The following CYP46A1 variants were observed in gnomAD, a reference collection of about 807,000 sequenced individuals.
CYP46A1 encodes cholesterol 24-hydroxylase.
CYP46A1 carries 20 observed loss-of-function variants against 63.3 expected under a neutral mutation model. That is an observed-to-expected ratio of 0.32 (90% CI 0.22 to 0.46). The LOEUF is 0.46. CYP46A1 is among the 20% of genes least tolerant of loss of function. The probability of loss-of-function intolerance (pLI) is 1.00; values close to 1 mark genes in which losing one functional copy is unlikely to be tolerated. For synonymous variants in CYP46A1, 268 were observed against 273.6 expected, an observed-to-expected ratio of 0.98 and a Z score of 0.20; for missense variants, 445 against 670.8, an observed-to-expected ratio of 0.66 and a Z score of 3.72.
chr14:99,717,262 C>T (rs2056798574), intron 9 of CYP46A1, among the ~76,000 whole-genome samples: 1 of 152,162 alleles, frequency 6.6e-6, no homozygotes, highest in African/African-American at 2.4e-5. Context: ...AATCCCGTCT[C>T]GTCCCTCCAG....
chr14:99,687,991 T>TTC (rs1555381299), intron 1 of CYP46A1, among the ~76,000 whole-genome samples: 5 of 148,462 alleles, frequency 3.4e-5, no homozygotes, highest in Admixed American at 6.7e-5. Flanking sequence ...GGGTTTTTTT[T>TTC]CCCCTTTCTT....
At chr14:99,694,911 C>A (rs2056574546) in intron 3 of CYP46A1, among the ~76,000 whole-genome samples, 1 of 152,166 alleles carries the variant, frequency 6.6e-6, no homozygotes, top group African/African-American at 2.4e-5. Context: ...TTTTTCTGTT[C>A]TAATGTAAGC....
chr14:99,695,346 A>G, intron 3 of CYP46A1: 1 of 341,412 alleles, frequency 2.9e-6, no homozygotes, highest in Non-Finnish European at 5.8e-6. Flanking sequence ...AATCCTTTCT[A>G]ATTTTCTGTC....
In CYP46A1 at chr14:99,722,117, T is replaced by C. The variant is rs767340094; in HGVS notation, c.1176+51T>C. The C allele has an allele frequency of 1.1e-5, 15 of 1,422,332 alleles. No individual in the cohort carries two copies. The Admixed American group carries it at 2.4e-4, about 23-fold the overall frequency. 88.1% of individuals were successfully genotyped at this position (1,422,332 alleles called of 1,614,324 possible). ...GGGTGGGCTGGGCTGCTTGCCCCAA[T>C]GGTGGTGAATTTGGGACTCACCAGG... is the stretch of plus-strand genomic sequence containing the variant. On this transcript the variant is annotated intron_variant, in intron 12 of 14. Coordinates refer to ENST00000261835, the MANE Select transcript of CYP46A1 (RefSeq NM_006668.2). This position sits in a 1 kb window ranked among gnomAD's most constrained non-coding sequence, Gnocchi z 4.6.
At chr14:99,688,233 G>T (rs2140110818) in intron 1 of CYP46A1, among the ~76,000 whole-genome samples, 1 of 152,278 alleles carries the variant, frequency 6.6e-6, no homozygotes, top group East Asian at 1.9e-4. Flanking sequence ...CATGTGTGAT[G>T]ATCACAGCCC....
At chr14:99,720,057 C>T (rs1050294260) in intron 10 of CYP46A1, among the ~76,000 whole-genome samples, 22 of 150,864 alleles carry the variant, frequency 1.5e-4, no homozygotes, top group African/African-American at 5.4e-4. Context: ...CCACCGTGCC[C>T]GGCAGAACTC....
chr14:99,692,398 G>A (rs1334365387), intron 3 of CYP46A1, among the ~76,000 whole-genome samples: 1 of 152,136 alleles, frequency 6.6e-6, no homozygotes, highest in Non-Finnish European at 1.5e-5. Flanking sequence ...AATTAGCTGG[G>A]CATGGTGGCA....
chr14:99,724,141 G>C (rs146313909), intron 12 of CYP46A1, among the ~76,000 whole-genome samples: 1 of 152,286 alleles, frequency 6.6e-6, no homozygotes, highest in Non-Finnish European at 1.5e-5. Context: ...CCCATCCTAA[G>C]TACCTCATTT....
rs569654284 is a variant in CYP46A1 at position 99,714,782 on chromosome 14, G to GA, written c.694-1024dup. Among the ~76,000 whole-genome samples, 426 of 146,566 alleles carry GA rather than the reference G, an allele frequency of 2.9e-3. 1 individual carries two copies. Among genetic ancestry groups the GA allele is most frequent in the African/African-American group, 0.01 (411 of 40,004 alleles). ...TCTCAAAAAAAAAAAAAAAAGAAAAGAAAATTTGATGTATATACACATGGA... is the reference window on the plus strand; with the variant it reads ...TCTCAAAAAAAAAAAAAAAAGAAAAGAAAAATTTGATGTATATACACATGGA... On this transcript the variant is annotated intron_variant, in intron 7 of 14. Coordinates refer to ENST00000261835, the MANE Select transcript of CYP46A1 (RefSeq NM_006668.2).
At position 99,684,310 on chromosome 14, in the gene CYP46A1, G is replaced by T; in HGVS notation, c.-108G>T. ...CGGGGAGGGTGCTGGGTCGCGCCTGGCCTGGGGCCGAGGCGGCGCGCGGCG... is the reference window on the plus strand; with the variant it reads ...CGGGGAGGGTGCTGGGTCGCGCCTGTCCTGGGGCCGAGGCGGCGCGCGGCG... On this transcript the variant is annotated 5_prime_UTR_variant, in exon 1 of 15. Transcript: ENST00000261835. 1 of 544,092 alleles carries T rather than the reference G, an allele frequency of 1.8e-6. No individual in the cohort carries two copies. Among genetic ancestry groups the T allele is most frequent in the Non-Finnish European group, 2.6e-6 (1 of 383,606 alleles). 33.7% of individuals were successfully genotyped at this position (544,092 alleles called of 1,614,324 possible).
Position 99,726,574 on chromosome 14 carries a change from C to A in CYP46A1, c.1350C>A (p.Val450=). The A allele has an allele frequency of 6.3e-7, 1 of 1,589,772 alleles. No individual in the cohort carries two copies. The highest frequency in any genetic ancestry group is 8.5e-7 in the Non-Finnish European group (1 of 1,169,810). ...GGGCCCAGATGGAGGTGAAGGTGGT[C>A]ATGGCAAAGCTGCTGCAGAGGCTGG... ...QQFAQMEVKV[V]MAKLLQRLEF... is the part of the protein sequence containing the mutation. The change falls in exon 15 of 15, where the codon GTC becomes GTA. Residue 450 remains valine, a synonymous_variant. Coordinates refer to ENST00000261835, the MANE Select transcript of CYP46A1 (RefSeq NM_006668.2).
intron 1 of CYP46A1, 157 bp downstream of exon 1, chr14:99,684,693 A>G: frequency 1.5e-6 from 1 of 688,058 alleles, no homozygotes; most frequent in Non-Finnish European, 2.6e-6. Flanking sequence ...TATTCTTAGT[A>G]ACAAATTACT....
chr14:99,688,783 A>C (rs2056518073), intron 1 of CYP46A1, among the ~76,000 whole-genome samples: 1 of 148,580 alleles, frequency 6.7e-6, no homozygotes, highest in African/African-American at 2.5e-5. Context: ...ATACCTCTCC[A>C]CCAAACTTGC....
At chr14:99,711,780 C>T (rs1202280811) in intron 7 of CYP46A1, 1 of 152,058 alleles carries the variant, frequency 6.6e-6, no homozygotes, top group African/African-American at 2.4e-5. Context: ...TTCTATGAGG[C>T]CAGCACTACC....
At chr14:99,703,110 T>A (rs1342826066) in intron 5 of CYP46A1, among the ~76,000 whole-genome samples, 1 of 152,194 alleles carries the variant, frequency 6.6e-6, no homozygotes, top group Non-Finnish European at 1.5e-5. Flanking sequence ...TATCCCTCTT[T>A]GGTGGTAATG....
chr14:99,721,965 G>C lies in CYP46A1; in HGVS notation c.1075G>C (p.Glu359Gln). ...CTTGTGGCTTCTCTAGGTCCTCAAA[G>C]AGTCGCTGAGGCTGTACCCACCAGC... is the stretch of plus-strand genomic sequence containing the variant. ...RLQYLSQVLK[E>Q]SLRLYPPAWG... Residue 359 changes from glutamate (E) to glutamine (Q), a missense_variant, in exon 12 of 15, where the codon GAG becomes CAG. By Grantham distance (29) the Glu-to-Gln change is conservative. This residue lies in a region of CYP46A1 where 95 missense variants were observed against 156.9 expected (regional missense o/e 0.61). Coordinates refer to ENST00000261835, the MANE Select transcript of CYP46A1 (RefSeq NM_006668.2). 1 of 1,613,192 alleles carries C rather than the reference G, an allele frequency of 6.2e-7. No individual in the cohort carries two copies. Among genetic ancestry groups the C allele is most frequent in the Non-Finnish European group, 8.5e-7 (1 of 1,179,482 alleles).
intron 5 of CYP46A1, chr14:99,703,559 C>G (rs2056650050): frequency 1.0e-6 from 1 of 984,716 alleles, no homozygotes; most frequent in African/African-American, 1.7e-5. Context: ...CTTTTTCTGG[C>G]ATCTCTGCTG....
intron 12 of CYP46A1, among the ~76,000 whole-genome samples, chr14:99,724,082 CTG>C (rs756503882): frequency 5.3e-5 from 8 of 152,226 alleles, no homozygotes; most frequent in Non-Finnish European, 1.0e-4. Flanking sequence ...TTCTGTGTGT[CTG>C]TGTCCTAATC....
intron 10 of CYP46A1, 150 bp downstream of exon 10, chr14:99,718,276 C>T (rs2056811401): frequency 1.6e-6 from 1 of 619,468 alleles, no homozygotes; most frequent in Non-Finnish European, 2.9e-6. Context: ...CTTGGAAGCG[C>T]TCTCCCTGCT....
Sources: gnomAD v4.1 joint callset for allele counts (sites outside exome capture counted in the v4.1 genomes callset) on GRCh38, gnomAD v4.1.1 for gene constraint, gnomAD v4.1.1 regional missense constraint, Gnocchi (gnomAD v3.1) non-coding constraint, MANE v1.5 for transcripts, NCBI Gene and HGNC (gene_info 2026-07-23, HGNC 2026-07-21) for gene names.